PDSS2: variants seen among roughly 807,000 people sequenced by gnomAD.
The protein encoded by PDSS2 is decaprenyl diphosphate synthase subunit 2, also known as all trans-polyprenyl-diphosphate synthase PDSS2.
Under a neutral mutation model 44.5 loss-of-function variants are expected in PDSS2, and 31 were observed. That is an observed-to-expected ratio of 0.70 (90% CI 0.52 to 0.94). The LOEUF (loss-of-function observed/expected upper bound fraction) is 0.94. Among genes scored for constraint, PDSS2 ranks in the 40% least tolerant of loss-of-function variants. The pLI is 0.00. For missense variants in PDSS2, 452 were observed against 482.2 expected (o/e 0.94, Z 0.59); for synonymous variants, 157 against 180.3 (o/e 0.87, Z 1.03).
chr6:107,231,234 G>A (rs1298292995), intron 4 of PDSS2, among the ~76,000 whole-genome samples: 1 of 152,072 alleles, frequency 6.6e-6, no homozygotes, highest in Non-Finnish European at 1.5e-5. Flanking sequence ...AATGCAATAA[G>A]TTTCATGTGA....
intron 4 of PDSS2, among the ~76,000 whole-genome samples, chr6:107,220,244 T>G (rs772926726): frequency 6.6e-6 from 1 of 152,134 alleles, no homozygotes; most frequent in Non-Finnish European, 1.5e-5. Flanking sequence ...TCAATAAAGC[T>G]GTTAAGAAAG....
At chr6:107,445,200 A>G (rs1416337711) in intron 1 of PDSS2, among the ~76,000 whole-genome samples, 1 of 151,480 alleles carries the variant, frequency 6.6e-6, no homozygotes, top group East Asian at 1.9e-4. Context: ...ATATATATAT[A>G]TATTGCACAA....
intron 6 of PDSS2, among the ~76,000 whole-genome samples, chr6:107,208,481 G>A (rs1054780445): frequency 1.3e-5 from 2 of 151,336 alleles, no homozygotes; most frequent in Non-Finnish European, 2.9e-5. Context: ...ATTTTCAGTA[G>A]AGACAGGGTT....
intron 2 of PDSS2, among the ~76,000 whole-genome samples, chr6:107,313,650 G>A (rs1055950516): frequency 6.6e-6 from 1 of 151,660 alleles, no homozygotes; most frequent in Admixed American, 6.6e-5. Context: ...CACCACGCCC[G>A]GCCCTACATT....
intron 2 of PDSS2, among the ~76,000 whole-genome samples, chr6:107,329,985 A>G (rs1323449357): frequency 1.1e-4 from 17 of 148,060 alleles, no homozygotes; most frequent in African/African-American, 4.0e-4. Flanking sequence ...TAGGTGATAG[A>G]GCGAGACTCT....
chr6:107,388,771 T>A (rs946383110), intron 1 of PDSS2, among the ~76,000 whole-genome samples: 4 of 152,214 alleles, frequency 2.6e-5, no homozygotes, highest in Non-Finnish European at 5.9e-5. Context: ...TGTGAATTTT[T>A]ATGGCAGCTT....
At chr6:107,318,331 C>T (rs1323786089) in intron 2 of PDSS2, among the ~76,000 whole-genome samples, 1 of 152,088 alleles carries the variant, frequency 6.6e-6, no homozygotes, top group Non-Finnish European at 1.5e-5. Context: ...AAGAGGTCAG[C>T]GGAGAGCAGT....
chr6:107,369,026 C>A (rs542522459), intron 1 of PDSS2, among the ~76,000 whole-genome samples: 5 of 152,130 alleles, frequency 3.3e-5, no homozygotes, highest in African/African-American at 1.2e-4. Context: ...CATTTATGGT[C>A]AATTAATTTT....
intron 2 of PDSS2, among the ~76,000 whole-genome samples, chr6:107,289,386 A>G (rs2115014174): frequency 6.7e-6 from 1 of 149,390 alleles, no homozygotes; most frequent in African/African-American, 2.5e-5. Context: ...AAAAAAAAAA[A>G]GAAAGAAAGA....
chr6:107,272,084 C>CAAAAAAAAAAAAAAA (rs58296849), intron 3 of PDSS2, among the ~76,000 whole-genome samples: 1 of 128,884 alleles, frequency 7.8e-6, no homozygotes. Context: ...AAAAAAGAAA[C>CAAAAAAAAAAAAAAA]AAAAAAAAAA....
At chr6:107,389,856 G>A (rs567731764) in intron 1 of PDSS2, among the ~76,000 whole-genome samples, 26 of 152,120 alleles carry the variant, frequency 1.7e-4, no homozygotes, top group Admixed American at 4.6e-4. Context: ...GCTCCTTGGA[G>A]AAATGGCTAC....
chr6:107,351,660 A>G (rs1157125323), intron 1 of PDSS2, among the ~76,000 whole-genome samples: 1 of 152,210 alleles, frequency 6.6e-6, no homozygotes, highest in Admixed American at 6.5e-5. Flanking sequence ...AAATACTGTG[A>G]TATAAATACT....
chr6:107,346,173 T>C lies in PDSS2; in HGVS notation c.297-11841A>G, dbSNP rs888042441. Among the ~76,000 whole-genome samples, 7 of 152,336 alleles carry C rather than the reference T, an allele frequency of 4.6e-5. No individual in the cohort carries two copies. The East Asian group carries it at 1.2e-3, about 25-fold the overall frequency. ...ATGGCACCTAGTGAATGAAAAGATA[T>C]GTACTTGGAATAAATTACATACAGG... is the stretch of plus-strand genomic sequence containing the variant. On this transcript the variant is annotated intron_variant, in intron 1 of 7. Transcript: ENST00000369037.
intron 1 of PDSS2, among the ~76,000 whole-genome samples, chr6:107,453,327 T>C (rs997655419): frequency 2.0e-5 from 3 of 152,228 alleles, no homozygotes; most frequent in African/African-American, 7.2e-5. Context: ...TTTAAATCCA[T>C]TTTAAGTGGA....
chr6:107,224,139 G>C (rs975639886), intron 4 of PDSS2, among the ~76,000 whole-genome samples: 7 of 151,214 alleles, frequency 4.6e-5, no homozygotes. Flanking sequence ...GCAAGGATGA[G>C]GTAAAGTGGG....
Position 107,397,447 on chromosome 6 carries a change from T to C in PDSS2, c.296+61543A>G, listed in dbSNP as rs78560178. Among the ~76,000 whole-genome samples, 211 of 152,334 alleles carry C rather than the reference T, an allele frequency of 1.4e-3. 3 individuals are homozygous for C. Among genetic ancestry groups the C allele is most frequent in the African/African-American group, 4.8e-3 (199 of 41,574 alleles). On this transcript the variant is annotated intron_variant, in intron 1 of 7. Coordinates refer to ENST00000369037, the MANE Select transcript of PDSS2 (RefSeq NM_020381.4). ...GAACCAGTACAAATGGTGAAATTTA[T>C]TAACTTTTGACCTGTGAGTACATGT...
chr6:107,375,795 A>C lies in PDSS2; in HGVS notation c.297-41463T>G, dbSNP rs75665691. On this transcript the variant is annotated intron_variant, in intron 1 of 7. Coordinates refer to ENST00000369037, the MANE Select transcript of PDSS2 (RefSeq NM_020381.4). The stretch of plus-strand genomic sequence containing the variant: ...GCACAAATCCTCAAACATATTAACA[A>C]ATTATATCCAGCAATATGTAAAAAG... Among the ~76,000 whole-genome samples, 410 of 152,316 alleles carry C rather than the reference A, an allele frequency of 2.7e-3. 4 individuals are homozygous for C. Among genetic ancestry groups the C allele is most frequent in the African/African-American group, 9.6e-3 (401 of 41,578 alleles).
chr6:107,346,333 G>A (rs1778247678), intron 1 of PDSS2, among the ~76,000 whole-genome samples: 1 of 152,120 alleles, frequency 6.6e-6, no homozygotes, highest in African/African-American at 2.4e-5. Context: ...GCTTTCTAAG[G>A]TGCCATCTCA....
At chr6:107,383,298 C>CAAAAAA (rs35910650) in intron 1 of PDSS2, among the ~76,000 whole-genome samples, 31 of 28,432 alleles carry the variant, frequency 1.1e-3, no homozygotes, top group Admixed American at 3.0e-3. Flanking sequence ...GACTCCATCT[C>CAAAAAA]AAAAAAAAAA....
Sources: gnomAD v4.1 joint callset for allele counts (sites outside exome capture counted in the v4.1 genomes callset) on GRCh38, gnomAD v4.1.1 for gene constraint, MANE v1.5 for transcripts, NCBI Gene and HGNC (gene_info 2026-07-23, HGNC 2026-07-21) for gene names.